Variants in FMN1 observed in about 807,000 individuals in gnomAD.
The protein encoded by FMN1 is formin-1.
A neutral mutation model predicts 132.4 loss-of-function variants in FMN1; 110 were observed. The ratio of observed to expected loss-of-function variants is 0.83; its 90% CI spans 0.71 to 0.97. The LOEUF is 0.97. Among genes scored for constraint, FMN1 ranks in the 50% least tolerant of loss-of-function variants. FMN1 has a pLI of 0.00. For synonymous variants in FMN1, 722 were observed against 651.7 expected (o/e 1.11, Z -1.64); for missense variants, 1,792 against 1,705.3 (o/e 1.05, Z -0.90).
rs145603558 is a variant in FMN1, at chr15:32,824,588, T to C, written c.3929-20256A>G. Among the ~76,000 whole-genome samples, 259 of 152,248 alleles carry C rather than the reference T, an allele frequency of 1.7e-3. 2 individuals carry two copies. Among genetic ancestry groups the C allele is most frequent in the Middle Eastern group, 6.8e-3 (2 of 294 alleles). ...TATATTCAGGCTCCAAGGCCCGCTC[T>C]CTAGACTCTTTTCTATCTTTTAAGA... On this transcript the variant is annotated intron_variant, in intron 17 of 20. Coordinates refer to ENST00000616417, the MANE Select transcript of FMN1 (RefSeq NM_001277313.2).
chr15:32,794,379 T>A (rs1044965836), intron 19 of FMN1, among the ~76,000 whole-genome samples: 11 of 152,240 alleles, frequency 7.2e-5, no homozygotes, highest in African/African-American at 2.7e-4. Flanking sequence ...GTGAATTATA[T>A]GCCCAGACTT....
intron 4 of FMN1, among the ~76,000 whole-genome samples, chr15:33,117,961 G>A (rs1469839883): frequency 6.6e-6 from 1 of 152,128 alleles, no homozygotes; most frequent in African/African-American, 2.4e-5. Context: ...TGTTTTTCGT[G>A]TTCCTAGAAA....
chr15:32,869,981 A>G (rs2059477569), intron 16 of FMN1, among the ~76,000 whole-genome samples: 1 of 152,210 alleles, frequency 6.6e-6, no homozygotes, highest in African/African-American at 2.4e-5. Flanking sequence ...TTAAGAAGTT[A>G]AGCTACAGAA....
intron 7 of FMN1, among the ~76,000 whole-genome samples, chr15:32,971,558 T>A (rs1292641801): frequency 6.6e-6 from 1 of 152,182 alleles, no homozygotes; most frequent in Middle Eastern, 3.2e-3. Context: ...TTAGCCCTGA[T>A]TACCACCCTG....
At chr15:32,838,883 A>G (rs1230450684) in intron 17 of FMN1, among the ~76,000 whole-genome samples, 1 of 152,224 alleles carries the variant, frequency 6.6e-6, no homozygotes, top group African/African-American at 2.4e-5. Flanking sequence ...AGAGCCCAGC[A>G]GTCCCCATTA....
At chr15:33,081,515 G>T (rs927891035) in intron 5 of FMN1, among the ~76,000 whole-genome samples, 4 of 152,118 alleles carry the variant, frequency 2.6e-5, no homozygotes, top group Non-Finnish European at 5.9e-5. Flanking sequence ...GATGAGTTCT[G>T]TGTTGTAATT....
At position 33,019,751 on chromosome 15, in the gene FMN1, G is replaced by C. The variant is rs577204109; in HGVS notation, c.2162-11676C>G. On this transcript the variant is annotated intron_variant, in intron 6 of 20. Transcript: ENST00000616417. Reference sequence around the variant, plus strand: ...TAAGCCCCTCACTGCCCGCGGCAGGGCCGGCAGGCCACTCGGAGTGCGGGG... The same window carrying C: ...TAAGCCCCTCACTGCCCGCGGCAGGCCCGGCAGGCCACTCGGAGTGCGGGG... Among the ~76,000 whole-genome samples the C allele has an allele frequency of 7.9e-5, 12 of 152,352 alleles. 1 individual carries two copies. Among genetic ancestry groups the C allele is most frequent in the Admixed American group, 5.9e-4 (9 of 15,312 alleles).
intron 6 of FMN1, among the ~76,000 whole-genome samples, chr15:33,046,349 G>C (rs1222057328): frequency 6.6e-6 from 1 of 152,040 alleles, no homozygotes; most frequent in Admixed American, 6.5e-5. Context: ...TGAAAATGAG[G>C]GTTCCCAAAT....
At chr15:32,814,488 T>C (rs534379913) in intron 17 of FMN1, among the ~76,000 whole-genome samples, 5 of 152,268 alleles carry the variant, frequency 3.3e-5, no homozygotes, top group African/African-American at 1.2e-4. Context: ...CTAAACTCTA[T>C]AGCCTCATCA....
intron 16 of FMN1, among the ~76,000 whole-genome samples, chr15:32,870,154 T>C (rs900192934): frequency 3.3e-5 from 5 of 152,176 alleles, no homozygotes; most frequent in African/African-American, 1.2e-4. Flanking sequence ...GATAGTTTCC[T>C]TTCATGGTAG....
chr15:33,048,005 A>C (rs1176480942), intron 6 of FMN1, among the ~76,000 whole-genome samples: 1 of 152,242 alleles, frequency 6.6e-6, no homozygotes, highest in Non-Finnish European at 1.5e-5. Flanking sequence ...GCTTAAAGAA[A>C]AATAAGTGCT....
chr15:32,980,237 T>C (rs1392042809), intron 7 of FMN1, among the ~76,000 whole-genome samples: 3 of 151,876 alleles, frequency 2.0e-5, no homozygotes, highest in Non-Finnish European at 4.4e-5. Context: ...TTGAATATAA[T>C]CTTAATTCCT....
chr15:33,088,388 G>A (rs36093969), intron 5 of FMN1, among the ~76,000 whole-genome samples: 21,441 of 152,186 alleles, frequency 0.14, 1,642 homozygotes, highest in Middle Eastern at 0.22. Flanking sequence ...CATGAATATG[G>A]AAGGAAGGCA....
intron 16 of FMN1, among the ~76,000 whole-genome samples, chr15:32,863,441 A>C (rs2059322113): frequency 6.6e-6 from 1 of 152,200 alleles, no homozygotes; most frequent in Admixed American, 6.5e-5. Context: ...CTCAAAATAA[A>C]TAAATAAATA....
At chr15:32,901,009 C>T (rs1220378748) in intron 13 of FMN1, among the ~76,000 whole-genome samples, 1 of 152,068 alleles carries the variant, frequency 6.6e-6, no homozygotes, top group Non-Finnish European at 1.5e-5. Flanking sequence ...CAAAAACTAG[C>T]TGGGCGTGAT....
intron 4 of FMN1, among the ~76,000 whole-genome samples, chr15:33,126,629 C>T (rs1041600798): frequency 2.2e-5 from 2 of 90,698 alleles, no homozygotes; most frequent in African/African-American, 6.9e-5. Flanking sequence ...AGGAAATGGG[C>T]GGAAGTGTTA....
At chr15:32,925,926 T>C (rs1405808062) in intron 10 of FMN1, among the ~76,000 whole-genome samples, 1 of 152,142 alleles carries the variant, frequency 6.6e-6, no homozygotes, top group Non-Finnish European at 1.5e-5. Flanking sequence ...GTATCCTTAT[T>C]TTTTAGCAAT....
At chr15:33,177,738 T>C (rs1422930018) in intron 3 of FMN1, among the ~76,000 whole-genome samples, 1 of 152,060 alleles carries the variant, frequency 6.6e-6, no homozygotes, top group Non-Finnish European at 1.5e-5. Context: ...GGTGCAGTGG[T>C]TCATGCCTGT....
chr15:32,999,103 T>G (rs930945883), intron 7 of FMN1, among the ~76,000 whole-genome samples: 4 of 152,230 alleles, frequency 2.6e-5, no homozygotes, highest in Non-Finnish European at 5.9e-5. Context: ...CTTTTTGGCA[T>G]CTCAGTAATG....
Sources: allele counts gnomAD v4.1 joint callset (sites outside exome capture counted in the v4.1 genomes callset), GRCh38; gene constraint gnomAD v4.1.1; transcripts MANE v1.5; gene names NCBI Gene and HGNC (gene_info 2026-07-23, HGNC 2026-07-21).